ELOC: variants seen among roughly 807,000 people sequenced by gnomAD.
The protein encoded by ELOC is elongin-C.
For missense variants in ELOC, 38 were observed against 139.0 expected (o/e 0.27, Z 3.65); for synonymous variants, 40 against 51.3 (o/e 0.78, Z 0.94).
At chr8:73,949,354 T>C (rs1813600849) in intron 3 of ELOC, among the ~76,000 whole-genome samples, 3 of 152,216 alleles carry the variant, frequency 2.0e-5, no homozygotes, top group Non-Finnish European at 4.4e-5. Context: ...TAGGCACTTA[T>C]TAAGACTTTG....
chr8:73,949,088 A>G (rs537918462), intron 3 of ELOC, among the ~76,000 whole-genome samples: 34 of 152,366 alleles, frequency 2.2e-4, no homozygotes, highest in African/African-American at 7.5e-4. Context: ...ATATTTTCTT[A>G]GCAGTCTAGT....
intron 1 of ELOC, among the ~76,000 whole-genome samples, chr8:73,961,031 T>G (rs1814554160): frequency 6.6e-6 from 1 of 152,182 alleles, no homozygotes; most frequent in South Asian, 2.1e-4. Flanking sequence ...TATGCTTCCA[T>G]CTCTTCCATA....
chr8:73,967,025 G>A (rs1255562086), intron 1 of ELOC, among the ~76,000 whole-genome samples: 1 of 152,134 alleles, frequency 6.6e-6, no homozygotes, highest in Non-Finnish European at 1.5e-5. Context: ...GGATAATACA[G>A]CATCTACCTC....
chr8:73,968,033 C>G (rs974305836), intron 1 of ELOC, among the ~76,000 whole-genome samples: 3 of 152,172 alleles, frequency 2.0e-5, no homozygotes, highest in African/African-American at 7.2e-5. Context: ...CAGTAAGAGG[C>G]ATGAGAAGGT....
At chr8:73,970,869 C>CCA (rs1815321532) in intron 1 of ELOC, among the ~76,000 whole-genome samples, 1 of 127,788 alleles carries the variant, frequency 7.8e-6, no homozygotes, top group Non-Finnish European at 1.6e-5. Flanking sequence ...CAAAACAAAA[C>CCA]AAAAAAAAAA....
intron 2 of ELOC, among the ~76,000 whole-genome samples, chr8:73,958,751 C>A (rs992291507): frequency 2.0e-5 from 3 of 152,170 alleles, no homozygotes; most frequent in Admixed American, 2.0e-4. Flanking sequence ...CACTAAAAAT[C>A]ACAAATTGGG....
rs2131050149 is a variant in ELOC at position 73,946,300 on chromosome 8, C to T, written c.*330G>A. ...TAAAAATACTTAGCCTCATTATTTC[C>T]CTGTAGAACGTATTGATTTACACCT... On this transcript the variant is annotated 3_prime_UTR_variant, in exon 4 of 4. Coordinates refer to ENST00000520242, the MANE Select transcript of ELOC (RefSeq NM_005648.4). 1 of 187,914 alleles carries T rather than the reference C, an allele frequency of 5.3e-6. No individual in the cohort carries two copies. The highest frequency in any genetic ancestry group is 5.7e-5 in the Admixed American group (1 of 17,576). 11.6% of individuals were successfully genotyped at this position (187,914 alleles called of 1,614,324 possible). A position where few individuals can be genotyped will look rare whatever the true frequency, so the allele number is the denominator to read the frequency against.
At chr8:73,961,309 G>C (rs1344075016) in intron 1 of ELOC, among the ~76,000 whole-genome samples, 1 of 152,160 alleles carries the variant, frequency 6.6e-6, no homozygotes, top group Non-Finnish European at 1.5e-5. Flanking sequence ...GGCCTTAAGA[G>C]AAGGGTCAAG....
In ELOC at chr8:73,945,428, C is replaced by T. The variant is rs776134820; in HGVS notation, c.*1202G>A. On this transcript the variant is annotated 3_prime_UTR_variant, in exon 4 of 4. Transcript: ENST00000520242. ...GCCACCGGGCTCAGCCATATTAAGC[C>T]AGTCTCAAATAAGCTGGAGACTTAA... 6.6e-6 allele frequency: 1 copy of T among 152,122 alleles called. No individual in the cohort carries two copies. The highest frequency in any genetic ancestry group is 2.4e-5 in the African/African-American group (1 of 41,414). 9.4% of individuals were successfully genotyped at this position (152,122 alleles called of 1,614,324 possible).
intron 1 of ELOC, among the ~76,000 whole-genome samples, chr8:73,971,586 G>A (rs777276700): frequency 1.3e-5 from 2 of 151,974 alleles, no homozygotes; most frequent in Non-Finnish European, 2.9e-5. Context: ...TGGACGGCCA[G>A]TAGATGCACG....
chr8:73,971,046 A>AAAAAAAG (rs1009857839), intron 1 of ELOC, among the ~76,000 whole-genome samples: 2 of 149,766 alleles, frequency 1.3e-5, no homozygotes, highest in African/African-American at 5.0e-5. Context: ...AAAAAAAAAA[A>AAAAAAAG]AAAAAGAAAA....
At chr8:73,958,055 C>G (rs1563679167) in intron 2 of ELOC, among the ~76,000 whole-genome samples, 1 of 151,278 alleles carries the variant, frequency 6.6e-6, no homozygotes, top group Admixed American at 6.6e-5. Flanking sequence ...GGATTACAGG[C>G]ATGAGCCGCT....
At chr8:73,951,114 T>C (rs977623124) in intron 3 of ELOC, among the ~76,000 whole-genome samples, 5 of 151,666 alleles carry the variant, frequency 3.3e-5, no homozygotes, top group African/African-American at 4.8e-5. Context: ...CTACTAAAAA[T>C]ACTAAAATTA....
chr8:73,962,305 C>T (rs536106758), intron 1 of ELOC, among the ~76,000 whole-genome samples: 3 of 152,282 alleles, frequency 2.0e-5, no homozygotes, highest in African/African-American at 7.2e-5. Flanking sequence ...TAAGTGGCAG[C>T]GTTAGGATTT....
Position 73,957,749 on chromosome 8 carries a change from T to TATCC in ELOC, c.5-1699_5-1696dup, listed in dbSNP as rs750720645. Among the ~76,000 whole-genome samples, 367 of 152,284 alleles carry TATCC rather than the reference T, an allele frequency of 2.4e-3. 2 individuals are homozygous for TATCC. Among genetic ancestry groups the TATCC allele is most frequent in the Non-Finnish European group, 3.7e-3 (252 of 68,018 alleles). On this transcript the variant is annotated intron_variant, in intron 2 of 3. Coordinates refer to ENST00000520242, the MANE Select transcript of ELOC (RefSeq NM_005648.4). ...ATGCATTATGATCATTTAAAATTTTTATCCATCCATCCATCCACCCACCCA... is the reference window on the plus strand; with the variant it reads ...ATGCATTATGATCATTTAAAATTTTTATCCATCCATCCATCCATCCACCCACCCA...
chr8:73,967,709 C>T (rs960432581), intron 1 of ELOC, among the ~76,000 whole-genome samples: 2 of 152,182 alleles, frequency 1.3e-5, no homozygotes. Flanking sequence ...CTCTGGTAAT[C>T]CGCTCACCTT....
rs1473048438 is a variant in ELOC at position 73,955,752 on chromosome 8, G to A, written c.148+159C>T. ...TGCACTCCAGCCTGGGCAACAGAAT[G>A]AGACTCTGTCTCTCTCAAACAAAAG... is the stretch of plus-strand genomic sequence containing the variant. On this transcript the variant is annotated intron_variant, in intron 3 of 3. Coordinates refer to ENST00000520242, the MANE Select transcript of ELOC (RefSeq NM_005648.4). The A allele has an allele frequency of 2.1e-5, 18 of 862,394 alleles. No individual in the cohort carries two copies. In the East Asian group the frequency reaches 3.0e-4, roughly 14 times the overall value. 53.4% of individuals were successfully genotyped at this position (862,394 alleles called of 1,614,324 possible).
intron 1 of ELOC, among the ~76,000 whole-genome samples, chr8:73,963,771 G>T (rs1042735076): frequency 1.3e-5 from 2 of 152,086 alleles, no homozygotes; most frequent in African/African-American, 2.4e-5. Context: ...GCAGAAAAAA[G>T]AATACAACTA....
intron 1 of ELOC, among the ~76,000 whole-genome samples, chr8:73,965,049 A>C (rs1814878037): frequency 6.6e-6 from 1 of 151,312 alleles, no homozygotes; most frequent in Non-Finnish European, 1.5e-5. Flanking sequence ...AAAAAAAAAA[A>C]AAAACTCTCA....
Sources: gnomAD v4.1 joint callset for allele counts (sites outside exome capture counted in the v4.1 genomes callset) on GRCh38, gnomAD v4.1.1 for gene constraint, MANE v1.5 for transcripts, NCBI Gene and HGNC (gene_info 2026-07-23, HGNC 2026-07-21) for gene names.